TP63: variants seen among roughly 807,000 people sequenced by gnomAD.
TP63 encodes the protein tumor protein 63.
TP63 carries 17 observed loss-of-function variants against 82.8 expected under a neutral mutation model. The observed-to-expected ratio is 0.21, with a 90% confidence interval of 0.14 to 0.31. The LOEUF is 0.31. TP63 is among the 10% of genes least tolerant of loss of function. TP63 has a pLI of 1.00. For missense variants in TP63, 648 were observed against 895.3 expected, an observed-to-expected ratio of 0.72 and a Z score of 3.52; for synonymous variants, 330 against 321.7, an observed-to-expected ratio of 1.03 and a Z score of -0.28.
At chr3:189,875,637 T>TATATATATATAA (rs1169970699) in intron 10 of TP63, among the ~76,000 whole-genome samples, 5 of 128,818 alleles carry the variant, frequency 3.9e-5, no homozygotes, top group Admixed American at 2.3e-4. Flanking sequence ...TATATATATA[T>TATATATATATAA]AAACTATTCT....
chr3:189,811,983 C>T (rs1727618174), intron 4 of TP63, among the ~76,000 whole-genome samples: 1 of 152,148 alleles, frequency 6.6e-6, no homozygotes, highest in African/African-American at 2.4e-5. Flanking sequence ...CATTTTAGAG[C>T]AATTTTTCAA....
chr3:189,619,877 G>C, the TP63 span, among the ~76,000 whole-genome samples: 1 of 152,128 alleles, frequency 6.6e-6, no homozygotes, highest in African/African-American at 2.4e-5. Flanking sequence ...CATCCTATTT[G>C]CTTGATAAGG....
intron 3 of TP63, among the ~76,000 whole-genome samples, chr3:189,755,395 A>G (rs1010474851): frequency 1.3e-5 from 2 of 152,194 alleles, no homozygotes; most frequent in African/African-American, 2.4e-5. Context: ...GATAATAACT[A>G]TGAACATTTT....
intron 3 of TP63, among the ~76,000 whole-genome samples, chr3:189,793,152 C>G (rs1725332816): frequency 1.3e-5 from 2 of 151,942 alleles, no homozygotes; most frequent in South Asian, 4.2e-4. Context: ...TGTCCTCGAG[C>G]CCAGAGGGAA....
At chr3:189,817,298 A>C (rs978262167) in intron 4 of TP63, among the ~76,000 whole-genome samples, 1 of 152,242 alleles carries the variant, frequency 6.6e-6, no homozygotes, top group Admixed American at 6.5e-5. Flanking sequence ...TAAGAAGACT[A>C]ATGATTACTT....
intron 4 of TP63, among the ~76,000 whole-genome samples, chr3:189,855,917 G>A (rs1016804581): frequency 6.6e-5 from 10 of 151,898 alleles, no homozygotes; most frequent in Admixed American, 1.3e-4. Flanking sequence ...TTTCTGTAAC[G>A]GCTTCTCATA....
intron 4 of TP63, among the ~76,000 whole-genome samples, chr3:189,841,840 T>A (rs1353483310): frequency 6.6e-6 from 1 of 151,818 alleles, no homozygotes; most frequent in Non-Finnish European, 1.5e-5. Flanking sequence ...TTGAAGGAGG[T>A]CAGCTACCAG....
chr3:189,732,847 G>C (rs1311398728), intron 1 of TP63, among the ~76,000 whole-genome samples: 2 of 152,230 alleles, frequency 1.3e-5, no homozygotes, highest in African/African-American at 4.8e-5. Context: ...ATCCTCTGCA[G>C]CAGGTTAATT....
In TP63 at chr3:189,894,936, A is replaced by G. The variant is rs1252648894; in HGVS notation, c.*434A>G. The G allele has an allele frequency of 9.0e-6, 2 of 222,570 alleles. No individual in the cohort carries two copies. The highest frequency in any genetic ancestry group is 4.5e-5 in the African/African-American group (2 of 44,322). The allele number at this position is 222,570 out of a possible 1,614,324, so 13.8% of individuals were successfully genotyped here. On this transcript the variant is annotated 3_prime_UTR_variant, in exon 14 of 14. Coordinates refer to ENST00000264731, the MANE Select transcript of TP63 (RefSeq NM_003722.5). Reference sequence around the variant, plus strand: ...AAAGAAAATTGAGTTGCACTTATTGACCATTTTTTAATTTACTTGTTTTGG... The same window carrying G: ...AAAGAAAATTGAGTTGCACTTATTGGCCATTTTTTAATTTACTTGTTTTGG...
intron 1 of TP63, among the ~76,000 whole-genome samples, chr3:189,676,913 CA>C (rs1715447831): frequency 6.6e-6 from 1 of 151,982 alleles, no homozygotes; most frequent in Non-Finnish European, 1.5e-5. Context: ...TCCCTGGTGC[CA>C]AAAAGGTTTG....
At chr3:189,817,186 G>T (rs1728280631) in intron 4 of TP63, among the ~76,000 whole-genome samples, 1 of 152,140 alleles carries the variant, frequency 6.6e-6, no homozygotes, top group Admixed American at 6.5e-5. Context: ...GTGCTGTTCA[G>T]CCAGTATCAT....
chr3:189,745,575 C>T (rs112103481), intron 3 of TP63, among the ~76,000 whole-genome samples: 14,590 of 151,544 alleles, frequency 0.096, 775 homozygotes, highest in Non-Finnish European at 0.11. Context: ...GGCGTGATGG[C>T]GCATGCCTGT....
chr3:189,641,684 ATTTGG>A (rs1240639575), intron 1 of TP63, among the ~76,000 whole-genome samples: 6 of 152,052 alleles, frequency 3.9e-5, no homozygotes. Flanking sequence ...ATTTTTGAAC[ATTTGG>A]TTTGGTTATA....
In TP63 at chr3:189,868,564, T is replaced by C. The variant is rs776054077; in HGVS notation, c.993-16T>C. ...TTTGAATTTAACTCTTTCTTCCCCT[T>C]TATTCTAATTCCTAGTGGGCAAGTC... On this transcript the variant is annotated splice_polypyrimidine_tract_variant and intron_variant, in intron 7 of 13. Transcript: ENST00000264731. The C allele has an allele frequency of 6.2e-7, 1 of 1,613,714 alleles. No individual in the cohort carries two copies. Among genetic ancestry groups the C allele is most frequent in the Non-Finnish European group, 8.5e-7 (1 of 1,179,912 alleles).
chr3:189,612,436 C>T, the TP63 span, among the ~76,000 whole-genome samples: 5 of 152,166 alleles, frequency 3.3e-5, no homozygotes, highest in African/African-American at 1.2e-4. Flanking sequence ...TTTTCACCTC[C>T]CACCATGATT....
rs1417155321 is a variant in TP63 at position 189,896,794 on chromosome 3, G to A, written c.*2292G>A. 1 of 207,534 alleles carries A rather than the reference G, an allele frequency of 4.8e-6. No homozygotes were observed. Among genetic ancestry groups the A allele is most frequent in the Non-Finnish European group, 9.8e-6 (1 of 101,550 alleles). The allele number at this position is 207,534 out of a possible 1,614,324, so 12.9% of individuals were successfully genotyped here. ...CTCCTCATGGCAGCCTACTCTCCTTGAGTGTATGAGTAGCCAGGGTAAGGG... is the reference window on the plus strand; with the variant it reads ...CTCCTCATGGCAGCCTACTCTCCTTAAGTGTATGAGTAGCCAGGGTAAGGG... On this transcript the variant is annotated 3_prime_UTR_variant, in exon 14 of 14. Transcript: ENST00000264731.
intron 1 of TP63, among the ~76,000 whole-genome samples, chr3:189,704,968 T>G (rs187087039): frequency 6.6e-6 from 1 of 152,336 alleles, no homozygotes; most frequent in African/African-American, 2.4e-5. Flanking sequence ...TGAGAAGCAT[T>G]AAAATCACAG....
chr3:189,792,070 C>T (rs980293097), intron 3 of TP63, among the ~76,000 whole-genome samples: 1 of 152,022 alleles, frequency 6.6e-6, no homozygotes, highest in African/African-American at 2.4e-5. Context: ...AATTTGCTAG[C>T]AATTTCTTTG....
At chr3:189,778,955 A>G (rs1463258208) in intron 3 of TP63, among the ~76,000 whole-genome samples, 1 of 152,134 alleles carries the variant, frequency 6.6e-6, no homozygotes, top group Non-Finnish European at 1.5e-5. Flanking sequence ...TTTATTTTTT[A>G]TTTTGCTGAA....
Sources: allele counts gnomAD v4.1 joint callset (sites outside exome capture counted in the v4.1 genomes callset), GRCh38; gene constraint gnomAD v4.1.1; transcripts MANE v1.5; gene names NCBI Gene and HGNC (gene_info 2026-07-23, HGNC 2026-07-21).